The following MEGF9 variants were observed in gnomAD, a reference collection of about 807,000 sequenced individuals.
MEGF9 encodes the protein multiple EGF like domains 9.
Under a neutral mutation model 46.8 loss-of-function variants are expected in MEGF9, and 6 were observed. The ratio of observed to expected loss-of-function variants is 0.13; its 90% CI spans 0.07 to 0.25. The LOEUF (loss-of-function observed/expected upper bound fraction) is 0.25, where lower values mean the gene tolerates loss of function less well. MEGF9 is among the 10% of genes least tolerant of loss of function. The probability of loss-of-function intolerance (pLI) is 1.00; values close to 1 mark genes in which losing one functional copy is unlikely to be tolerated. For missense variants in MEGF9, 683 were observed against 792.4 expected (o/e 0.86, Z 1.66); for synonymous variants, 302 against 330.7 (o/e 0.91, Z 0.94).
At chr9:120,665,865 A>G (rs192599724) in intron 1 of MEGF9, among the ~76,000 whole-genome samples, 9 of 152,170 alleles carry the variant, frequency 5.9e-5, no homozygotes, top group Admixed American at 1.3e-4. Flanking sequence ...CTTTCCCCCA[A>G]TGTGTGTTCT....
At chr9:120,682,438 C>T (rs1046398018) in intron 1 of MEGF9, among the ~76,000 whole-genome samples, 2 of 152,022 alleles carry the variant, frequency 1.3e-5, no homozygotes, top group Non-Finnish European at 2.9e-5. Context: ...ACAAAGAGAA[C>T]AAAAGGAAAG....
At chr9:120,710,740 G>A (rs951610984) in intron 1 of MEGF9, among the ~76,000 whole-genome samples, 19 of 152,176 alleles carry the variant, frequency 1.2e-4, no homozygotes, top group African/African-American at 4.3e-4. Context: ...AAATGCCAGG[G>A]AATCCAACTT....
intron 1 of MEGF9, among the ~76,000 whole-genome samples, chr9:120,670,765 C>G (rs79093260): frequency 6.6e-6 from 1 of 152,126 alleles, no homozygotes; most frequent in Non-Finnish European, 1.5e-5. Context: ...TTTATCACAT[C>G]CTCTCCCAGA....
intron 1 of MEGF9, among the ~76,000 whole-genome samples, chr9:120,710,357 G>C (rs974371016): frequency 6.6e-6 from 1 of 151,036 alleles, no homozygotes; most frequent in Non-Finnish European, 1.5e-5. Flanking sequence ...CCGGGAGGTG[G>C]AGGTTGTGGT....
chr9:120,633,340 C>A (rs1357300320), intron 2 of MEGF9, among the ~76,000 whole-genome samples: 1 of 152,030 alleles, frequency 6.6e-6, no homozygotes, highest in Non-Finnish European at 1.5e-5. Context: ...TCCATACAAG[C>A]AGAATTTATC....
intron 1 of MEGF9, among the ~76,000 whole-genome samples, chr9:120,697,229 C>G (rs925419670): frequency 6.6e-6 from 1 of 151,812 alleles, no homozygotes; most frequent in Non-Finnish European, 1.5e-5. Flanking sequence ...AATACAGGCA[C>G]AAGCCATTAT....
chr9:120,713,681 A>G, intron 1 of MEGF9, 77 bp downstream of exon 1: 1 of 1,241,906 alleles, frequency 8.1e-7, no homozygotes, highest in Non-Finnish European at 1.0e-6. Flanking sequence ...ACGATAAATT[A>G]TAGGCAAGAG....
At chr9:120,630,083 A>T (rs1478051784) in intron 2 of MEGF9, among the ~76,000 whole-genome samples, 1 of 152,218 alleles carries the variant, frequency 6.6e-6, no homozygotes, top group Non-Finnish European at 1.5e-5. Flanking sequence ...TTTAACTGAC[A>T]AATAACAATT....
At chr9:120,627,038 T>A (rs1195842053) in intron 2 of MEGF9, among the ~76,000 whole-genome samples, 1 of 152,196 alleles carries the variant, frequency 6.6e-6, no homozygotes, top group Non-Finnish European at 1.5e-5. Context: ...ACTTTTAAAA[T>A]TTAAAATTTG....
chr9:120,636,462 T>C (rs1256181694), intron 2 of MEGF9, among the ~76,000 whole-genome samples: 1 of 152,210 alleles, frequency 6.6e-6, no homozygotes, highest in African/African-American at 2.4e-5. Context: ...CAGAAATTCA[T>C]AATACTCAAA....
intron 3 of MEGF9, among the ~76,000 whole-genome samples, chr9:120,621,805 T>C (rs1319822518): frequency 6.6e-6 from 1 of 152,184 alleles, no homozygotes; most frequent in African/African-American, 2.4e-5. Context: ...AGAGAATTAC[T>C]TCAATCCAAT....
chr9:120,616,671 C>T, intron 3 of MEGF9, among the ~76,000 whole-genome samples: 1 of 86,326 alleles, frequency 1.2e-5, no homozygotes, highest in African/African-American at 4.7e-5. Context: ...GAGCAAGACT[C>T]TGTCTCAAAA....
chr9:120,619,196 A>C (rs932536761), intron 3 of MEGF9, among the ~76,000 whole-genome samples: 2 of 151,286 alleles, frequency 1.3e-5, no homozygotes, highest in Non-Finnish European at 2.9e-5. Flanking sequence ...AAATACAAAA[A>C]ATTAGCCGGG....
At position 120,603,364 on chromosome 9, in the gene MEGF9, C is replaced by T. The variant is rs2043406061; in HGVS notation, c.*1826G>A. The T allele has an allele frequency of 6.6e-6, 1 of 152,170 alleles. No homozygotes were observed. 9.4% of individuals were successfully genotyped at this position (152,170 alleles called of 1,614,324 possible). Reference sequence around the variant, plus strand: ...TTTCATATAATGTAATATAATGTAACCTCTATTCTTCTGAGCAATGGCCAA... The same window carrying T: ...TTTCATATAATGTAATATAATGTAATCTCTATTCTTCTGAGCAATGGCCAA... On this transcript the variant is annotated 3_prime_UTR_variant, in exon 6 of 6. Coordinates refer to ENST00000373930, the MANE Select transcript of MEGF9 (RefSeq NM_001080497.3).
At chr9:120,681,792 G>A (rs1181067922) in intron 1 of MEGF9, among the ~76,000 whole-genome samples, 1 of 152,114 alleles carries the variant, frequency 6.6e-6, no homozygotes, top group Non-Finnish European at 1.5e-5. Flanking sequence ...AAGTCCAAGG[G>A]GAGGCAGGGA....
intron 1 of MEGF9, among the ~76,000 whole-genome samples, chr9:120,702,051 A>T (rs1233632887): frequency 6.6e-6 from 1 of 152,070 alleles, no homozygotes; most frequent in African/African-American, 2.4e-5. Context: ...TCTAAAAAAA[A>T]AAATAAAAAA....
chr9:120,682,169 G>A (rs1204478939), intron 1 of MEGF9, among the ~76,000 whole-genome samples: 2 of 151,990 alleles, frequency 1.3e-5, no homozygotes, highest in African/African-American at 4.8e-5. Flanking sequence ...AAACTAAAAG[G>A]GATCATCAGA....
chr9:120,640,525 T>C (rs548555244), intron 2 of MEGF9, among the ~76,000 whole-genome samples: 1 of 152,180 alleles, frequency 6.6e-6, no homozygotes, highest in East Asian at 1.9e-4. Flanking sequence ...ATATTCCCAG[T>C]GCCTAGCACA....
At chr9:120,671,907 T>C (rs1056602063) in intron 1 of MEGF9, among the ~76,000 whole-genome samples, 1 of 152,122 alleles carries the variant, frequency 6.6e-6, no homozygotes, top group Non-Finnish European at 1.5e-5. Flanking sequence ...CCCAGCAATA[T>C]ATAAAAAGAT....
Sources: allele counts gnomAD v4.1 joint callset (sites outside exome capture counted in the v4.1 genomes callset), GRCh38; gene constraint gnomAD v4.1.1; transcripts MANE v1.5; gene names NCBI Gene and HGNC (gene_info 2026-07-23, HGNC 2026-07-21).